The following ROS1 variants were observed in gnomAD, a reference collection of about 807,000 sequenced individuals.
ROS1 encodes proto-oncogene tyrosine-protein kinase ROS.
Under a neutral mutation model 273.5 loss-of-function variants are expected in ROS1, and 263 were observed. The observed-to-expected ratio is 0.96, with a 90% CI of 0.87 to 1.06. The LOEUF is 1.06. Among genes scored for constraint, ROS1 ranks in the 50% least tolerant of loss-of-function variants. The pLI is 0.00. For synonymous variants in ROS1, 1,008 were observed against 954.1 expected (o/e 1.06, Z -1.04); for missense variants, 2,833 against 2,751.1 (o/e 1.03, Z -0.67).
intron 32 of ROS1, among the ~76,000 whole-genome samples, chr6:117,336,255 T>C (rs1777453893): frequency 6.6e-6 from 1 of 152,102 alleles, no homozygotes; most frequent in Non-Finnish European, 1.5e-5. Flanking sequence ...TTACTACACC[T>C]AGCAAACCAT....
At chr6:117,396,716 G>C (rs1484178871) in intron 8 of ROS1, among the ~76,000 whole-genome samples, 199 bp downstream of exon 8, 2 of 152,080 alleles carry the variant, frequency 1.3e-5, no homozygotes, top group African/African-American at 4.8e-5. Context: ...AGAAATACTT[G>C]AGAATGTTTT....
intron 18 of ROS1, among the ~76,000 whole-genome samples, chr6:117,377,624 TA>T (rs1781446318): frequency 6.6e-6 from 1 of 152,076 alleles, no homozygotes; most frequent in Non-Finnish European, 1.5e-5. Context: ...AAATGGAGTA[TA>T]AAATCTTCAC....
At chr6:117,322,072 T>C (rs956650905) in intron 35 of ROS1, among the ~76,000 whole-genome samples, 2 of 152,122 alleles carry the variant, frequency 1.3e-5, no homozygotes, top group Admixed American at 6.6e-5. Context: ...TTGTCATCTG[T>C]ACTGGACTAT....
chr6:117,318,387 G>A (rs1254695208), intron 37 of ROS1, 135 bp from the exon 38 acceptor site: 2 of 668,922 alleles, frequency 3.0e-6, no homozygotes, highest in Non-Finnish European at 5.3e-6. Context: ...TAAAACATGT[G>A]CATGTATTCT....
Position 117,366,254 on chromosome 6 carries a change from C to T in ROS1, c.2619G>A (p.Trp873Ter), listed in dbSNP as rs1394879221. Residue 873 changes from tryptophan (W) to a stop codon, truncating the protein, a stop_gained, in exon 19 of 44, where the codon TGG becomes TGA. Transcript: ENST00000368507. LOFTEE classifies it high-confidence loss of function. The stretch of plus-strand genomic sequence containing the variant: ...CATTCTGGGAAATTTCAGAAGTACT[C>T]CAGGCTGCAAATTCTGTGATGGTGG... ...GDTTITEFAA[W>*]STSEISQNAL... is the part of the protein sequence containing the mutation. 1 of 1,614,052 alleles carries T rather than the reference C, an allele frequency of 6.2e-7. No individual in the cohort carries two copies. Among genetic ancestry groups the T allele is most frequent in the Admixed American group, 1.7e-5 (1 of 60,012 alleles).
At chr6:117,400,984 G>A (rs76578528) in intron 7 of ROS1, among the ~76,000 whole-genome samples, 2,762 of 152,206 alleles carry the variant, frequency 0.018, 40 homozygotes, top group Non-Finnish European at 0.027. Context: ...CAGAACTGAC[G>A]ATTTTATCTA....
chr6:117,338,197 A>G (rs1777617918), intron 31 of ROS1, among the ~76,000 whole-genome samples: 1 of 152,178 alleles, frequency 6.6e-6, no homozygotes, highest in East Asian at 1.9e-4. Flanking sequence ...GTCAGTTTCC[A>G]TAAATAAACT....
At chr6:117,304,962 C>T (rs1774996292) in intron 42 of ROS1, among the ~76,000 whole-genome samples, 1 of 152,124 alleles carries the variant, frequency 6.6e-6, no homozygotes, top group Non-Finnish European at 1.5e-5. Flanking sequence ...ACTGTGCCTG[C>T]TTCCCCTTCA....
In ROS1 at chr6:117,308,815, G is replaced by A. The variant is rs2128545939; in HGVS notation, c.6530C>T (p.Pro2177Leu). The change falls in exon 42 of 44, where the codon CCA becomes CTA. Residue 2177 changes from proline to leucine, a missense_variant. Physicochemically the swap from Pro to Leu is moderately conservative, Grantham distance 98. Transcript: ENST00000368507. ...TTACAGATCATCAGGACAATTTCTT[G>A]GTGGCTCCAGTCTCCCTCCTGTTTG... Reference protein sequence around the residue: ...YVQTGGRLEPPRNCPDDLWNL... With the variant: ...YVQTGGRLEPLRNCPDDLWNL... 6.2e-7 allele frequency: 1 copy of A among 1,612,866 alleles called. No individual in the cohort carries two copies. The highest frequency in any genetic ancestry group is 8.5e-7 in the Non-Finnish European group (1 of 1,179,460).
At chr6:117,360,059 T>C in intron 23 of ROS1, 48 bp from the exon 24 acceptor site, 1 of 1,477,124 alleles carries the variant, frequency 6.8e-7, no homozygotes, top group Non-Finnish European at 9.4e-7. Flanking sequence ...AAACTGACTT[T>C]AGCTTAGCAA....
rs186551514 is a variant in ROS1, at chr6:117,298,838, C to T, written c.6715+2136G>A. Among the ~76,000 whole-genome samples the T allele has an allele frequency of 3.5e-3, 539 of 152,216 alleles. 2 individuals carry two copies. Among genetic ancestry groups the T allele is most frequent in the African/African-American group, 0.012 (500 of 41,530 alleles). ...CAGGTGCTTACACTATGCCTTGCCC[C>T]CAGATCAGTAAGTGTTGAAATAATT... is the stretch of plus-strand genomic sequence containing the variant. On this transcript the variant is annotated intron_variant, in intron 43 of 43. Coordinates refer to ENST00000368507, the MANE Select transcript of ROS1 (RefSeq NM_001378902.1).
chr6:117,370,045 G>A (rs1780640979), intron 18 of ROS1, among the ~76,000 whole-genome samples: 1 of 152,000 alleles, frequency 6.6e-6, no homozygotes, highest in African/African-American at 2.4e-5. Flanking sequence ...ACATATGAAT[G>A]CATATGGATG....
chr6:117,315,647 C>T (rs921381527), intron 39 of ROS1, among the ~76,000 whole-genome samples: 1 of 151,878 alleles, frequency 6.6e-6, no homozygotes, highest in African/African-American at 2.4e-5. Context: ...GACGTTTTCT[C>T]AAAAATTAAA....
In ROS1 at chr6:117,301,101, G is replaced by A. The variant is rs1187246015; in HGVS notation, c.6588C>T (p.Pro2196=). 8.8e-6 allele frequency: 14 copies of A among 1,599,498 alleles called. No homozygotes were observed. The highest frequency in any genetic ancestry group is 1.2e-5 in the South Asian group (1 of 86,724). The change falls in exon 43 of 44, where the codon CCC becomes CCT. Residue 2196 remains proline (P), a synonymous_variant. Coordinates refer to ENST00000368507, the MANE Select transcript of ROS1 (RefSeq NM_001378902.1). ...NLMTQCWAQE[P]DQRPTFHRIQ... ...TTCTATGAAAAGTAGGTCTTTGGTC[G>A]GGTTCTTGAGCCCAGCACTGGGTCA...
At chr6:117,293,583 C>T (rs1773993829) in intron 43 of ROS1, among the ~76,000 whole-genome samples, 1 of 151,856 alleles carries the variant, frequency 6.6e-6, no homozygotes, top group African/African-American at 2.4e-5. Flanking sequence ...TTATAATAAA[C>T]ATAAATTACT....
At chr6:117,416,215 A>AG (rs764889270) in intron 3 of ROS1, 43 bp downstream of exon 3, 1 of 1,195,160 alleles carries the variant, frequency 8.4e-7, no homozygotes, top group South Asian at 1.2e-5. Flanking sequence ...TTTCCTCTTG[A>AG]AAGAAACATC....
chr6:117,298,533 A>T (rs1020372788), intron 43 of ROS1, among the ~76,000 whole-genome samples: 1 of 152,190 alleles, frequency 6.6e-6, no homozygotes, highest in Non-Finnish European at 1.5e-5. Flanking sequence ...TAAAGTTTCC[A>T]TATGTGAAGT....
At chr6:117,306,120 A>C (rs1241722317) in intron 42 of ROS1, among the ~76,000 whole-genome samples, 1 of 151,600 alleles carries the variant, frequency 6.6e-6, no homozygotes, top group Non-Finnish European at 1.5e-5. Flanking sequence ...TTGAATTCAC[A>C]AAGCAATTGA....
At chr6:117,412,409 C>T (rs1364923312) in intron 4 of ROS1, among the ~76,000 whole-genome samples, 1 of 152,012 alleles carries the variant, frequency 6.6e-6, no homozygotes, top group Non-Finnish European at 1.5e-5. Context: ...AGGGACAAGC[C>T]ATCTCACTAG....
Sources: allele counts gnomAD v4.1 joint callset (sites outside exome capture counted in the v4.1 genomes callset), GRCh38; gene constraint gnomAD v4.1.1; transcripts MANE v1.5; gene names NCBI Gene and HGNC (gene_info 2026-07-23, HGNC 2026-07-21).